LRRC4C: variants seen among roughly 807,000 people sequenced by gnomAD.
LRRC4C encodes the protein leucine-rich repeat-containing protein 4C.
In LRRC4C, 5 loss-of-function variants were observed where a neutral mutation model predicts 33.6. The observed-to-expected ratio is 0.15, with a 90% CI of 0.08 to 0.31. The LOEUF is 0.31. LRRC4C is among the 10% of genes least tolerant of loss of function. LRRC4C has a pLI of 1.00. For missense variants in LRRC4C, 560 were observed against 796.7 expected, an observed-to-expected ratio of 0.70 and a Z score of 3.58; for synonymous variants, 329 against 302.0, an observed-to-expected ratio of 1.09 and a Z score of -0.93.
intron 3 of LRRC4C, among the ~76,000 whole-genome samples, chr11:40,523,930 C>T (rs56070103): frequency 0.071 from 10,865 of 152,162 alleles, 1,047 homozygotes; most frequent in African/African-American, 0.22. Context: ...CTTCAGGTGA[C>T]TCTAGATTTT....
intron 1 of LRRC4C, among the ~76,000 whole-genome samples, chr11:40,970,125 A>G (rs1851621513): frequency 6.6e-6 from 1 of 152,160 alleles, no homozygotes; most frequent in Non-Finnish European, 1.5e-5. Context: ...CGTGTGAATG[A>G]GGTCAGTCAA....
At chr11:40,181,332 G>A (rs1050356152) in intron 5 of LRRC4C, among the ~76,000 whole-genome samples, 1 of 152,170 alleles carries the variant, frequency 6.6e-6, no homozygotes, top group East Asian at 1.9e-4. Context: ...AAAAGAGACT[G>A]AGGTTTTTTT....
At position 40,319,964 on chromosome 11, in the gene LRRC4C, C is replaced by A. The variant is rs1233780559; in HGVS notation, c.-269-243G>T. Among the ~76,000 whole-genome samples the A allele has an allele frequency of 2.0e-5, 3 of 151,750 alleles. No individual in the cohort carries two copies. In the East Asian group the frequency reaches 5.8e-4, roughly 29 times the overall value. ...TATATATACAACATATAAATATATA[C>A]ATATATCTATTTGATTTAGTTTACC... On this transcript the variant is annotated intron_variant, in intron 3 of 6. Coordinates refer to ENST00000528697, the MANE Select transcript of LRRC4C (RefSeq NM_001258419.2).
Position 40,618,994 on chromosome 11 carries a change from A to G in LRRC4C, c.-270+29148T>C, listed in dbSNP as rs12223326. Among the ~76,000 whole-genome samples the G allele has an allele frequency of 4.7e-4, 71 of 151,812 alleles. No individual in the cohort carries two copies. The East Asian group carries it at 0.012, about 27-fold the overall frequency. ...GGTCCGGGGTTAGTATCTCTATTAG[A>G]TCACTGCACTCTTTCCAATTAAGAC... is the stretch of plus-strand genomic sequence containing the variant. On this transcript the variant is annotated intron_variant, in intron 3 of 6. Transcript: ENST00000528697.
At chr11:40,968,755 G>C (rs1211467073) in intron 1 of LRRC4C, among the ~76,000 whole-genome samples, 11 of 151,992 alleles carry the variant, frequency 7.2e-5, no homozygotes, top group Non-Finnish European at 1.6e-4. Context: ...GAGACCTACT[G>C]TTTAGAAAAA....
At chr11:40,437,134 T>G (rs1343782870) in intron 3 of LRRC4C, among the ~76,000 whole-genome samples, 1 of 152,192 alleles carries the variant, frequency 6.6e-6, no homozygotes, top group Non-Finnish European at 1.5e-5. Context: ...TTCTCCTAAT[T>G]AATAATGGAA....
chr11:40,625,520 CT>C (rs1274889820), intron 3 of LRRC4C, among the ~76,000 whole-genome samples: 1 of 152,094 alleles, frequency 6.6e-6, no homozygotes, highest in Non-Finnish European at 1.5e-5. Flanking sequence ...ACCTGTCCCC[CT>C]GATTCACTTA....
At chr11:41,343,573 A>G (rs1462012466) in intron 1 of LRRC4C, among the ~76,000 whole-genome samples, 6 of 152,238 alleles carry the variant, frequency 3.9e-5, no homozygotes, top group Admixed American at 3.9e-4. Context: ...GGAAATGAAG[A>G]AAGAGTCTTC....
rs144699314 is a variant in LRRC4C at position 40,998,975 on chromosome 11, G to T, written c.-495-65252C>A. Among the ~76,000 whole-genome samples the T allele has an allele frequency of 1.8e-3, 267 of 152,204 alleles. 1 individual carries two copies. The highest frequency in any genetic ancestry group is 5.9e-3 in the African/African-American group (245 of 41,520). Reference sequence around the variant, plus strand: ...TTAAATGAGAGTGCCAACATGACATGAAGAATAAATGTGGTGACTCCAATT... The same window carrying T: ...TTAAATGAGAGTGCCAACATGACATTAAGAATAAATGTGGTGACTCCAATT... On this transcript the variant is annotated intron_variant, in intron 1 of 6. Coordinates refer to ENST00000528697, the MANE Select transcript of LRRC4C (RefSeq NM_001258419.2).
At position 40,883,447 on chromosome 11, in the gene LRRC4C, CTAAATTTT is replaced by C. The variant is rs1434173474; in HGVS notation, c.-407+50180_-407+50187del. On this transcript the variant is annotated intron_variant, in intron 2 of 6. Coordinates refer to ENST00000528697, the MANE Select transcript of LRRC4C (RefSeq NM_001258419.2). ...CGAAAAGATTTCTATCAGCAGATAG[CTAAATTTT>C]TAAATAATCAGAAATAAAATTAATA... is the stretch of plus-strand genomic sequence containing the variant. Among the ~76,000 whole-genome samples, 6 of 152,042 alleles carry C rather than the reference CTAAATTTT, an allele frequency of 3.9e-5. No homozygotes were observed. In the East Asian group the frequency reaches 1.2e-3, roughly 29 times the overall value.
At chr11:40,865,379 G>T (rs1039111959) in intron 2 of LRRC4C, among the ~76,000 whole-genome samples, 5 of 152,040 alleles carry the variant, frequency 3.3e-5, no homozygotes, top group Admixed American at 6.6e-5. Context: ...ACAGCATACT[G>T]AGTAAAGTTA....
chr11:41,288,172 C>T (rs1949888262), intron 1 of LRRC4C, among the ~76,000 whole-genome samples: 1 of 152,182 alleles, frequency 6.6e-6, no homozygotes, highest in Non-Finnish European at 1.5e-5. Context: ...TAAACAACTA[C>T]AACTTATCAT....
intron 3 of LRRC4C, among the ~76,000 whole-genome samples, chr11:40,378,068 C>A (rs1948728333): frequency 6.6e-6 from 1 of 151,952 alleles, no homozygotes; most frequent in Non-Finnish European, 1.5e-5. Flanking sequence ...CAAAGATGAA[C>A]TTTTTGCTAA....
rs189634458 is a variant in LRRC4C, at chr11:40,206,274, C to T, written c.-96+35245G>A. On this transcript the variant is annotated intron_variant, in intron 5 of 6. Coordinates refer to ENST00000528697, the MANE Select transcript of LRRC4C (RefSeq NM_001258419.2). Reference sequence around the variant, plus strand: ...TTTTGAGATGGAGTCTCACTCTTGTCGCCCAGGCTGGAGTGCAGTAGGGCA... The same window carrying T: ...TTTTGAGATGGAGTCTCACTCTTGTTGCCCAGGCTGGAGTGCAGTAGGGCA... 2.4e-3 allele frequency among the ~76,000 whole-genome samples: 366 copies of T among 152,196 alleles called. 5 individuals are homozygous for T. The highest frequency in any genetic ancestry group is 8.4e-3 in the African/African-American group (350 of 41,518).
chr11:40,753,932 G>A (rs940133378), intron 2 of LRRC4C, among the ~76,000 whole-genome samples: 1 of 151,656 alleles, frequency 6.6e-6, no homozygotes, highest in African/African-American at 2.4e-5. Flanking sequence ...TAAAAAATAT[G>A]TGTGTATATG....
intron 1 of LRRC4C, among the ~76,000 whole-genome samples, chr11:41,387,875 A>G (rs1953423149): frequency 6.6e-6 from 1 of 151,792 alleles, no homozygotes; most frequent in Non-Finnish European, 1.5e-5. Context: ...TTCCAGGGTC[A>G]CCTCAGTAGA....
intron 1 of LRRC4C, among the ~76,000 whole-genome samples, chr11:40,948,246 G>A (rs1958501791): frequency 1.3e-5 from 2 of 151,994 alleles, no homozygotes; most frequent in Admixed American, 1.3e-4. Flanking sequence ...TGTTTTACCT[G>A]GACTCATATT....
At chr11:41,267,719 C>T (rs1245950366) in intron 1 of LRRC4C, among the ~76,000 whole-genome samples, 1 of 152,094 alleles carries the variant, frequency 6.6e-6, no homozygotes, top group African/African-American at 2.4e-5. Context: ...TTCCAGATCT[C>T]TCCTTGCTTA....
chr11:40,546,882 T>C (rs969536986), intron 3 of LRRC4C, among the ~76,000 whole-genome samples: 13 of 152,238 alleles, frequency 8.5e-5, no homozygotes, highest in East Asian at 1.9e-4. Context: ...TGGGCTGCAA[T>C]TGTTAGACTC....
Sources: allele counts gnomAD v4.1 joint callset (sites outside exome capture counted in the v4.1 genomes callset), GRCh38; gene constraint gnomAD v4.1.1; transcripts MANE v1.5; gene names NCBI Gene and HGNC (gene_info 2026-07-23, HGNC 2026-07-21).